PHKB: variants seen among roughly 807,000 people sequenced by gnomAD.
PHKB encodes phosphorylase kinase regulatory subunit beta.
Under a neutral mutation model 152.1 loss-of-function variants are expected in PHKB, and 122 were observed. The ratio of observed to expected loss-of-function variants is 0.80; its 90% CI spans 0.69 to 0.93. The LOEUF is 0.93. Ranked by LOEUF, PHKB falls within the 40% of genes least tolerant of loss-of-function variation. The probability of loss-of-function intolerance (pLI) is 0.00; values close to 1 mark genes in which losing one functional copy is unlikely to be tolerated. For synonymous variants in PHKB, 436 were observed against 464.9 expected (o/e 0.94, Z 0.80); for missense variants, 1,304 against 1,328.4 (o/e 0.98, Z 0.29).
At chr16:47,605,632 A>G (rs1395882624) in intron 13 of PHKB, among the ~76,000 whole-genome samples, 2 of 152,204 alleles carry the variant, frequency 1.3e-5, no homozygotes, top group Non-Finnish European at 2.9e-5. Flanking sequence ...TCAACCCTGT[A>G]TCATGAGCTA....
intron 6 of PHKB, among the ~76,000 whole-genome samples, chr16:47,537,804 T>C (rs137935977): frequency 2.9e-4 from 44 of 152,334 alleles, no homozygotes; most frequent in African/African-American, 9.9e-4. Context: ...GTACAGGTTA[T>C]ATGTATTCAG....
In PHKB at chr16:47,473,811, G is replaced by A. The variant is rs148311157; in HGVS notation, c.76+12385G>A. Among the ~76,000 whole-genome samples, 130 of 152,238 alleles carry A rather than the reference G, an allele frequency of 8.5e-4. 1 individual carries two copies. The highest frequency in any genetic ancestry group is 3.0e-3 in the African/African-American group (124 of 41,534). ...GTTTTGGTATATGCTTACAGTGTTG[G>A]ATAATTAAATCAGGCTAATTAACAA... On this transcript the variant is annotated intron_variant, in intron 1 of 30. Transcript: ENST00000323584.
In PHKB at chr16:47,699,652, T is replaced by A; in HGVS notation, c.*286T>A. ...TATGAATTGAAAATTTGCCGCTGCA[T>A]GTTGTATGATCAAATAGTTCATCAA... On this transcript the variant is annotated 3_prime_UTR_variant, in exon 31 of 31. Coordinates refer to ENST00000323584, the MANE Select transcript of PHKB (RefSeq NM_000293.3). 1 of 441,418 alleles carries A rather than the reference T, an allele frequency of 2.3e-6. No individual in the cohort carries two copies. Among genetic ancestry groups the A allele is most frequent in the Non-Finnish European group, 4.2e-6 (1 of 238,020 alleles). The allele number at this position is 441,418 out of a possible 1,614,324, so 27.3% of individuals were successfully genotyped here.
At chr16:47,496,936 G>A (rs1414415803) in intron 1 of PHKB, among the ~76,000 whole-genome samples, 1 of 152,150 alleles carries the variant, frequency 6.6e-6, no homozygotes, top group Non-Finnish European at 1.5e-5. Context: ...GGATGGCTTT[G>A]GAGTATGTGA....
At chr16:47,689,384 A>G (rs1360192778) in intron 27 of PHKB, among the ~76,000 whole-genome samples, 1 of 152,148 alleles carries the variant, frequency 6.6e-6, no homozygotes, top group African/African-American at 2.4e-5. Context: ...TTTGAATTTT[A>G]TGCTTTTTTT....
intron 20 of PHKB, among the ~76,000 whole-genome samples, chr16:47,655,673 A>C (rs929753935): frequency 2.0e-5 from 3 of 152,204 alleles, no homozygotes; most frequent in Non-Finnish European, 4.4e-5. Flanking sequence ...TGAAATTGGG[A>C]AACTTTTTGC....
chr16:47,660,989 C>T (rs1387074853), intron 22 of PHKB, among the ~76,000 whole-genome samples, 170 bp downstream of exon 22: 1 of 152,212 alleles, frequency 6.6e-6, no homozygotes, highest in Non-Finnish European at 1.5e-5. Flanking sequence ...CTTGGTCTAA[C>T]ATCTGCATGG....
At chr16:47,645,194 C>T (rs1424705223) in intron 16 of PHKB, among the ~76,000 whole-genome samples, 1 of 150,082 alleles carries the variant, frequency 6.7e-6, no homozygotes, top group Non-Finnish European at 1.5e-5. Flanking sequence ...GTTTCTTTTG[C>T]TGTGCAGAAG....
intron 1 of PHKB, among the ~76,000 whole-genome samples, chr16:47,474,696 T>C (rs776378642): frequency 6.6e-6 from 1 of 152,150 alleles, no homozygotes; most frequent in Non-Finnish European, 1.5e-5. Flanking sequence ...AGAATTAGCT[T>C]GTTGTGACTT....
chr16:47,597,570 A>G (rs920885264), intron 13 of PHKB, among the ~76,000 whole-genome samples: 1 of 152,012 alleles, frequency 6.6e-6, no homozygotes, highest in African/African-American at 2.4e-5. Context: ...TTCCTCCTTT[A>G]AAGGGACAGC....
At chr16:47,527,773 T>G (rs551390613) in intron 6 of PHKB, among the ~76,000 whole-genome samples, 1 of 152,136 alleles carries the variant, frequency 6.6e-6, no homozygotes, top group Non-Finnish European at 1.5e-5. Flanking sequence ...CCTAATCCAG[T>G]CTGACTGGTG....
intron 7 of PHKB, among the ~76,000 whole-genome samples, chr16:47,559,941 C>A (rs1313612424): frequency 6.6e-6 from 1 of 152,174 alleles, no homozygotes; most frequent in Non-Finnish European, 1.5e-5. Flanking sequence ...AACTTTGGAC[C>A]TGCAAAGAGC....
intron 14 of PHKB, among the ~76,000 whole-genome samples, chr16:47,622,804 A>G (rs967797974): frequency 2.0e-5 from 3 of 152,228 alleles, no homozygotes; most frequent in African/African-American, 7.2e-5. Flanking sequence ...TTGCTAAATC[A>G]TGTACATATT....
rs758968989 is a variant in PHKB, at chr16:47,593,545, A to G, written c.1114A>G (p.Met372Val). The G allele has an allele frequency of 6.2e-5, 92 of 1,485,068 alleles. 2 individuals carry two copies. The highest frequency in any genetic ancestry group is 5.4e-4 in the East Asian group (24 of 44,236). 92.0% of individuals were successfully genotyped at this position (1,485,068 alleles called of 1,614,324 possible). Residue 372 changes from methionine to valine, a missense_variant, in exon 11 of 31, where the codon ATG becomes GTG. Met to Val is a conservative substitution (Grantham distance 21). Transcript: ENST00000323584. ...ECEFPIFFLYMMIDGVFRGNP... is the reference protein window; with the variant it reads ...ECEFPIFFLYVMIDGVFRGNP... ...TGAATTTCCCATATTTTTCCTTTAT[A>G]TGATGATTGATGGTAAGTAAGCTTT...
intron 1 of PHKB, among the ~76,000 whole-genome samples, chr16:47,483,548 C>T (rs1376115684): frequency 1.3e-5 from 2 of 152,164 alleles, no homozygotes; most frequent in African/African-American, 2.4e-5. Context: ...GTATTATTCT[C>T]TATAAAGTGA....
chr16:47,541,554 T>G (rs1971059794), intron 6 of PHKB, among the ~76,000 whole-genome samples: 3 of 152,238 alleles, frequency 2.0e-5, no homozygotes. Flanking sequence ...TAGTTCTAGA[T>G]CCTTGAGGAA....
At chr16:47,525,682 G>A (rs151064350) in intron 6 of PHKB, among the ~76,000 whole-genome samples, 1 of 152,242 alleles carries the variant, frequency 6.6e-6, no homozygotes, top group African/African-American at 2.4e-5. Flanking sequence ...ACAACGCAAT[G>A]ATGAAAAGCA....
intron 26 of PHKB, among the ~76,000 whole-genome samples, chr16:47,680,125 G>C (rs1973820326): frequency 6.6e-6 from 1 of 152,176 alleles, no homozygotes; most frequent in Non-Finnish European, 1.5e-5. Context: ...AAGCCCACTT[G>C]ATCATGGTTG....
At chr16:47,678,056 G>C (rs994354227) in intron 26 of PHKB, among the ~76,000 whole-genome samples, 8 of 151,860 alleles carry the variant, frequency 5.3e-5, no homozygotes, top group African/African-American at 1.9e-4. Flanking sequence ...TGCTGAGAAT[G>C]ATGGTTTCCA....
Sources: allele counts gnomAD v4.1 joint callset (sites outside exome capture counted in the v4.1 genomes callset), GRCh38; gene constraint gnomAD v4.1.1; transcripts MANE v1.5; gene names NCBI Gene and HGNC (gene_info 2026-07-23, HGNC 2026-07-21).